TMEM163: variants seen among roughly 807,000 people sequenced by gnomAD.
TMEM163 encodes transmembrane protein 163.
A neutral mutation model predicts 29.3 loss-of-function variants in TMEM163; 17 were observed. The ratio of observed to expected loss-of-function variants is 0.58; its 90% CI spans 0.40 to 0.87. TMEM163 has a LOEUF of 0.87. TMEM163 is among the 40% of genes least tolerant of loss of function. The pLI is 0.00. For synonymous variants in TMEM163, 157 were observed against 160.6 expected, an observed-to-expected ratio of 0.98 and a Z score of 0.17; for missense variants, 303 against 381.5, an observed-to-expected ratio of 0.79 and a Z score of 1.71.
chr2:134,511,921 CA>C (rs1452216206), intron 4 of TMEM163, among the ~76,000 whole-genome samples: 1 of 152,124 alleles, frequency 6.6e-6, no homozygotes, highest in Non-Finnish European at 1.5e-5. Flanking sequence ...GGCAGATACC[CA>C]AAGAGAGTGA....
intron 2 of TMEM163, among the ~76,000 whole-genome samples, chr2:134,593,612 G>T (rs1681989758): frequency 6.6e-6 from 1 of 152,134 alleles, no homozygotes; most frequent in Non-Finnish European, 1.5e-5. Flanking sequence ...TGAGGAGAAT[G>T]TCCAGCCTAG....
intron 2 of TMEM163, among the ~76,000 whole-genome samples, chr2:134,598,323 T>C (rs1682139914): frequency 6.6e-6 from 1 of 152,240 alleles, no homozygotes; most frequent in South Asian, 2.1e-4. Flanking sequence ...TATTTGTTAA[T>C]ACACTTACAA....
intron 2 of TMEM163, among the ~76,000 whole-genome samples, chr2:134,669,276 T>A (rs1434690330): frequency 6.6e-6 from 1 of 152,202 alleles, no homozygotes; most frequent in Non-Finnish European, 1.5e-5. Flanking sequence ...GGGCACGAGG[T>A]CCCTTCCTCG....
intron 5 of TMEM163, among the ~76,000 whole-genome samples, chr2:134,490,043 C>G (rs1328650992): frequency 6.6e-6 from 1 of 152,206 alleles, no homozygotes; most frequent in African/African-American, 2.4e-5. Flanking sequence ...ATGCCAGGTC[C>G]TATATTAGGT....
At chr2:134,695,793 G>A (rs1684565512) in intron 2 of TMEM163, among the ~76,000 whole-genome samples, 2 of 152,170 alleles carry the variant, frequency 1.3e-5, no homozygotes, top group Admixed American at 6.5e-5. Flanking sequence ...GGGCATGGTA[G>A]CTCATGCCTG....
chr2:134,642,001 C>T (rs963330502), intron 2 of TMEM163, among the ~76,000 whole-genome samples: 14 of 152,028 alleles, frequency 9.2e-5, no homozygotes, highest in East Asian at 3.9e-4. Context: ...CATTACATAA[C>T]GGTGAAGGGT....
intron 7 of TMEM163, 101 bp downstream of exon 7, chr2:134,457,931 A>G (rs903798913): frequency 1.3e-6 from 2 of 1,566,916 alleles, no homozygotes; most frequent in African/African-American, 2.7e-5. Context: ...CAGGTACAAA[A>G]TATGACCTTC....
At chr2:134,560,494 G>A (rs1171124343) in intron 2 of TMEM163, among the ~76,000 whole-genome samples, 3 of 152,134 alleles carry the variant, frequency 2.0e-5, no homozygotes, top group Non-Finnish European at 2.9e-5. Context: ...AGGCCCAGCC[G>A]TGCTACCCAG....
At chr2:134,545,607 C>A (rs1226004961) in intron 4 of TMEM163, among the ~76,000 whole-genome samples, 3 of 152,168 alleles carry the variant, frequency 2.0e-5, no homozygotes, top group African/African-American at 4.8e-5. Context: ...TGATGACCTG[C>A]TTCATGGCCT....
At chr2:134,541,928 T>C (rs894689194) in intron 4 of TMEM163, among the ~76,000 whole-genome samples, 1 of 152,228 alleles carries the variant, frequency 6.6e-6, no homozygotes, top group Non-Finnish European at 1.5e-5. Context: ...AATAAACATA[T>C]ATTACTTTGC....
chr2:134,656,964 A>C (rs1190346886), intron 2 of TMEM163, among the ~76,000 whole-genome samples: 1 of 152,208 alleles, frequency 6.6e-6, no homozygotes, highest in East Asian at 1.9e-4. Flanking sequence ...ATGGTGAATT[A>C]ACTTCTTGAT....
intron 2 of TMEM163, among the ~76,000 whole-genome samples, chr2:134,648,983 A>G (rs1424242014): frequency 6.6e-6 from 1 of 152,172 alleles, no homozygotes; most frequent in East Asian, 1.9e-4. Flanking sequence ...ATATCCATGT[A>G]TTTGTAGTGG....
chr2:134,556,174 G>A (rs1016303176), intron 2 of TMEM163, among the ~76,000 whole-genome samples: 3 of 152,132 alleles, frequency 2.0e-5, no homozygotes, highest in Non-Finnish European at 2.9e-5. Flanking sequence ...TCAGACTCCC[G>A]AAGACAGACT....
intron 4 of TMEM163, among the ~76,000 whole-genome samples, chr2:134,527,575 A>G (rs1680324150): frequency 6.6e-6 from 1 of 152,212 alleles, no homozygotes; most frequent in African/African-American, 2.4e-5. Flanking sequence ...CAATTTCCAG[A>G]AAAGTATGTG....
intron 2 of TMEM163, among the ~76,000 whole-genome samples, chr2:134,618,900 A>G (rs1386341338): frequency 6.6e-6 from 1 of 152,194 alleles, no homozygotes; most frequent in Non-Finnish European, 1.5e-5. Context: ...TAGAAAAGAA[A>G]AAAAGACAAA....
At chr2:134,486,577 T>G (rs1280201429) in intron 5 of TMEM163, among the ~76,000 whole-genome samples, 1 of 152,200 alleles carries the variant, frequency 6.6e-6, no homozygotes, top group Admixed American at 6.5e-5. Context: ...AAACAAAATT[T>G]GAAAATTCTT....
In TMEM163 at chr2:134,718,952, T is replaced by C; in HGVS notation, c.-17A>G. 2.9e-6 allele frequency: 3 copies of C among 1,031,442 alleles called. No individual in the cohort carries two copies. The highest frequency in any genetic ancestry group is 1.8e-4 in the East Asian group (2 of 11,346). The allele number at this position is 1,031,442 out of a possible 1,614,324, so 63.9% of individuals were successfully genotyped here. A position where few individuals can be genotyped will look rare whatever the true frequency, so the allele number is the denominator to read the frequency against. ...CGGCTCCATGGCGCGGGGCTGCGGA[T>C]CCCGGCGGCGGCGACGACAAGCGCG... On this transcript the variant is annotated 5_prime_UTR_variant, in exon 1 of 8. Coordinates refer to ENST00000281924, the MANE Select transcript of TMEM163 (RefSeq NM_030923.5).
At chr2:134,521,744 T>G (rs1680194277) in intron 4 of TMEM163, among the ~76,000 whole-genome samples, 2 of 152,002 alleles carry the variant, frequency 1.3e-5, no homozygotes, top group Admixed American at 1.3e-4. Context: ...GCACACAAGG[T>G]GAACATCAAC....
intron 2 of TMEM163, among the ~76,000 whole-genome samples, chr2:134,564,398 A>G (rs937275030): frequency 3.3e-5 from 5 of 152,212 alleles, no homozygotes; most frequent in African/African-American, 1.2e-4. Context: ...AGCTGTAGAT[A>G]TAAAAGTGTA....
Sources: gnomAD v4.1 joint callset for allele counts (sites outside exome capture counted in the v4.1 genomes callset) on GRCh38, gnomAD v4.1.1 for gene constraint, MANE v1.5 for transcripts, NCBI Gene and HGNC (gene_info 2026-07-23, HGNC 2026-07-21) for gene names.